Variants in NUMA1 observed in about 807,000 individuals in gnomAD.
NUMA1 encodes nuclear mitotic apparatus protein 1, also known as SP-H antigen.
NUMA1 carries 62 observed loss-of-function variants against 237.1 expected under a neutral mutation model. The ratio of observed to expected loss-of-function variants is 0.26; its 90% CI spans 0.21 to 0.32. The LOEUF (loss-of-function observed/expected upper bound fraction) is 0.32. Ranked by LOEUF, NUMA1 falls within the 10% of genes least tolerant of loss-of-function variation. The pLI is 1.00. For synonymous variants in NUMA1, 1,028 were observed against 1,066.1 expected (o/e 0.96, Z 0.70); for missense variants, 2,533 against 2,666.5 (o/e 0.95, Z 1.10).
At chr11:72,059,714 A>G (rs758099262) in intron 2 of NUMA1, among the ~76,000 whole-genome samples, 6 of 152,220 alleles carry the variant, frequency 3.9e-5, no homozygotes, top group Admixed American at 1.3e-4. Context: ...CTGGCAGCAC[A>G]TCTCTAATTT....
Position 72,015,060 on chromosome 11 carries a change from C to T in NUMA1, c.2443G>A (p.Glu815Lys). ...TCTTGCTGGCTATCCTCATACCGCT[C>T]ACGCCAGGCAGCTACTTCTTTGACG... ...QLVKEVAAWRERYEDSQQEEA... is the reference protein window; with the variant it reads ...QLVKEVAAWRKRYEDSQQEEA... The change falls in exon 15 of 27, where the codon GAG becomes AAG. Residue 815 changes from glutamate (E) to lysine (K), a missense_variant. Transcript: ENST00000393695. This position sits in a 1 kb window ranked among gnomAD's most constrained non-coding sequence, Gnocchi z 4.0. 6.2e-7 allele frequency: 1 copy of T among 1,614,124 alleles called. No individual in the cohort carries two copies. The highest frequency in any genetic ancestry group is 8.5e-7 in the Non-Finnish European group (1 of 1,180,050).
intron 2 of NUMA1, among the ~76,000 whole-genome samples, chr11:72,056,007 G>A (rs1942617718): frequency 6.6e-6 from 1 of 151,644 alleles, no homozygotes; most frequent in Non-Finnish European, 1.5e-5. Context: ...CAATTAGCCA[G>A]GTGTGGTGGT....
intron 3 of NUMA1, among the ~76,000 whole-genome samples, chr11:72,033,798 A>G (rs1940654951): frequency 6.6e-6 from 1 of 152,152 alleles, no homozygotes; most frequent in Non-Finnish European, 1.5e-5. Flanking sequence ...AGGCGGGTGG[A>G]TCACTGGAGC....
intron 2 of NUMA1, among the ~76,000 whole-genome samples, chr11:72,052,465 G>A (rs1346048120): frequency 1.3e-5 from 2 of 152,116 alleles, no homozygotes; most frequent in Non-Finnish European, 2.9e-5. Flanking sequence ...TGCATCAGAT[G>A]ATAAGAAGGG....
chr11:72,014,800 G>T lies in NUMA1; in HGVS notation c.2703C>A (p.Asp901Glu), dbSNP rs561672347. 9 of 1,614,198 alleles carry T rather than the reference G, an allele frequency of 5.6e-6. No homozygotes were observed. The highest frequency in any genetic ancestry group is 1.3e-5 in the African/African-American group (1 of 75,054). ...KEVRAQKLAD[D>E]LSTLQEKMAA... ...CCATCTTTTCCTGCAGAGTGGAGAG[G>T]TCATCTGCAAGCTTCTGGGCCCTGA... The change falls in exon 15 of 27, where the codon GAC (aspartate) becomes GAA (glutamate). Residue 901 changes from aspartate (D) to glutamate (E), a missense_variant. Physicochemically the swap from Asp to Glu is conservative, Grantham distance 45. Coordinates refer to ENST00000393695, the MANE Select transcript of NUMA1 (RefSeq NM_006185.4). The surrounding 1 kb of genome is among the most constrained non-coding windows in gnomAD (Gnocchi z 4.6).
At chr11:72,053,513 G>C (rs549634381) in intron 2 of NUMA1, among the ~76,000 whole-genome samples, 14 of 152,100 alleles carry the variant, frequency 9.2e-5, no homozygotes, top group Non-Finnish European at 1.5e-4. Flanking sequence ...AGAACCCCAG[G>C]ACACACAGAA....
At chr11:72,005,156 G>T in intron 23 of NUMA1, 77 bp downstream of exon 23, 1 of 1,444,824 alleles carries the variant, frequency 6.9e-7, no homozygotes, top group Non-Finnish European at 9.3e-7. Context: ...GGGCCCTAGT[G>T]CTCAGGCTAG....
chr11:72,003,867 C>A lies in NUMA1; in HGVS notation c.6336+20G>T, dbSNP rs767293287. On this transcript the variant is annotated intron_variant, in intron 26 of 26. Transcript: ENST00000393695. ...ATGCTCTCATCGGGTTTCCCTCCCCCATCCTGCCAGTGCCTCTACCTTGCC... is the reference window on the plus strand; with the variant it reads ...ATGCTCTCATCGGGTTTCCCTCCCCAATCCTGCCAGTGCCTCTACCTTGCC... The A allele has an allele frequency of 1.9e-6, 3 of 1,612,110 alleles. No homozygotes were observed. Among genetic ancestry groups the A allele is most frequent in the South Asian group, 1.1e-5 (1 of 90,992 alleles).
chr11:72,059,137 G>A (rs1211276013), intron 2 of NUMA1, among the ~76,000 whole-genome samples: 1 of 152,146 alleles, frequency 6.6e-6, no homozygotes, highest in Non-Finnish European at 1.5e-5. Flanking sequence ...TACACATACA[G>A]GTATATATTC....
intron 20 of NUMA1, chr11:72,007,819 A>C: frequency 5.6e-6 from 2 of 356,140 alleles, no homozygotes; most frequent in East Asian, 6.9e-5. Context: ...GCATAATCCA[A>C]TGTCGTCCTG....
In NUMA1 at chr11:72,009,204, G is replaced by T. The variant is rs766375441; in HGVS notation, c.4840-19C>A. 4.1e-6 allele frequency: 2 copies of T among 486,156 alleles called. No individual in the cohort carries two copies. The highest frequency in any genetic ancestry group is 1.5e-4 in the East Asian group (2 of 13,652). The allele number at this position is 486,156 out of a possible 1,614,324, so 30.1% of individuals were successfully genotyped here. ...TCTCCATCTGTGGGCAGAGAGGGTG[G>T]GTGGGTGGGGTAGAGGTTGAAGGGC... On this transcript the variant is annotated intron_variant, in intron 18 of 26. Transcript: ENST00000393695.
intron 2 of NUMA1, among the ~76,000 whole-genome samples, chr11:72,064,172 G>A (rs1273456076): frequency 6.6e-6 from 1 of 151,960 alleles, no homozygotes; most frequent in African/African-American, 2.4e-5. Context: ...TTTTAAATAA[G>A]TTTGGCTGGG....
At chr11:72,022,095 C>A in intron 7 of NUMA1, 1 of 379,700 alleles carries the variant, frequency 2.6e-6, no homozygotes, top group Non-Finnish European at 4.8e-6. Context: ...AACATATGCA[C>A]ATAAAAAAGG....
intron 10 of NUMA1, 41 bp downstream of exon 10, chr11:72,018,782 G>C (rs1233266515): frequency 1.3e-6 from 2 of 1,590,604 alleles, no homozygotes; most frequent in African/African-American, 2.7e-5. Flanking sequence ...CATCCTTCCG[G>C]CAAGTCTATT....
At position 72,007,268 on chromosome 11, in the gene NUMA1, T is replaced by C. The variant is rs772628405; in HGVS notation, c.5384A>G (p.Asp1795Gly). ...CTTACGACCCGAGTCCAGGAAGACG[T>C]CTCCCAGGGAGTCCAGGCTGCTCTC... ...PLESSLDSLGDVFLDSGRKTR... is the reference protein window; with the variant it reads ...PLESSLDSLGGVFLDSGRKTR... Residue 1795 changes from aspartate to glycine, a missense_variant, in exon 21 of 27, where the codon GAC becomes GGC. Transcript: ENST00000393695. 6.2e-7 allele frequency: 1 copy of C among 1,613,114 alleles called. No individual in the cohort carries two copies. Among genetic ancestry groups the C allele is most frequent in the East Asian group, 2.2e-5 (1 of 44,818 alleles).
chr11:72,078,323 C>T (rs1943811296), intron 1 of NUMA1, among the ~76,000 whole-genome samples: 1 of 152,198 alleles, frequency 6.6e-6, no homozygotes, highest in Non-Finnish European at 1.5e-5. Flanking sequence ...ATTAAATGAC[C>T]ACACCATATA....
At chr11:72,043,291 G>GT (rs1385676309) in intron 2 of NUMA1, among the ~76,000 whole-genome samples, 1 of 151,028 alleles carries the variant, frequency 6.6e-6, no homozygotes, top group East Asian at 1.9e-4. Flanking sequence ...GCGAAACCCT[G>GT]TTTCTACCAA....
At chr11:72,025,244 C>G (rs540042627) in intron 4 of NUMA1, among the ~76,000 whole-genome samples, 1 of 152,032 alleles carries the variant, frequency 6.6e-6, no homozygotes, top group African/African-American at 2.4e-5. Context: ...ACTGGAAGAG[C>G]GGGCAGTGTG....
intron 21 of NUMA1, 144 bp downstream of exon 21, chr11:72,007,045 C>T: frequency 1.0e-6 from 1 of 954,120 alleles, no homozygotes; most frequent in South Asian, 1.7e-5. Context: ...AAGTCACTGC[C>T]CTTTTTAAGA....
Sources: allele counts gnomAD v4.1 joint callset (sites outside exome capture counted in the v4.1 genomes callset), GRCh38; gene constraint gnomAD v4.1.1; non-coding constraint Gnocchi (gnomAD v3.1); transcripts MANE v1.5; gene names NCBI Gene and HGNC (gene_info 2026-07-23, HGNC 2026-07-21).